SNX29: variants seen among roughly 807,000 people sequenced by gnomAD.
SNX29 encodes sorting nexin-29.
A neutral mutation model predicts 102.1 loss-of-function variants in SNX29; 78 were observed. The observed-to-expected ratio is 0.76, with a 90% CI of 0.64 to 0.92. The LOEUF is 0.92. Ranked by LOEUF, SNX29 falls within the 40% of genes least tolerant of loss-of-function variation. The probability of loss-of-function intolerance (pLI) is 0.00; values close to 1 mark genes in which losing one functional copy is unlikely to be tolerated. For missense variants in SNX29, 1,280 were observed against 1,061.7 expected (o/e 1.21, Z -2.86); for synonymous variants, 580 against 414.5 (o/e 1.40, Z -4.85).
intron 19 of SNX29, among the ~76,000 whole-genome samples, chr16:12,516,105 C>T (rs1298678925): frequency 6.6e-6 from 1 of 152,170 alleles, no homozygotes; most frequent in Non-Finnish European, 1.5e-5. Flanking sequence ...TGGCTCTCGT[C>T]TAATTGCAAG....
intron 14 of SNX29, among the ~76,000 whole-genome samples, chr16:12,255,447 A>C (rs1377483965): frequency 6.6e-6 from 1 of 152,024 alleles, no homozygotes; most frequent in East Asian, 1.9e-4. Flanking sequence ...AGTATTCTTA[A>C]CTACAGCCAC....
At chr16:12,033,027 G>A (rs951079787) in intron 4 of SNX29, among the ~76,000 whole-genome samples, 3 of 151,214 alleles carry the variant, frequency 2.0e-5, no homozygotes, top group African/African-American at 7.3e-5. Context: ...GCTAATTTTT[G>A]TATTTTTAGT....
intron 14 of SNX29, among the ~76,000 whole-genome samples, chr16:12,237,970 G>T (rs191845363): frequency 6.6e-6 from 1 of 152,138 alleles, no homozygotes; most frequent in Non-Finnish European, 1.5e-5. Flanking sequence ...TGATGCAGTG[G>T]CCACAGAAGC....
chr16:12,211,994 G>A (rs747354592), intron 14 of SNX29, among the ~76,000 whole-genome samples: 1 of 152,062 alleles, frequency 6.6e-6, no homozygotes, highest in Admixed American at 6.6e-5. Context: ...TAGTAGAGCC[G>A]AGATTCCTAC....
rs1375628418 is a variant in SNX29, at chr16:12,524,816, C to G, written c.2293C>G (p.Leu765Val). ...EFAASPKKETLIQLMPFFVDI... is the reference protein window; with the variant it reads ...EFAASPKKETVIQLMPFFVDI... Reference sequence around the variant, plus strand: ...CGCTGCCAGCCCCAAGAAGGAGACCCTCATCCAGCTGATGCCCTTCTTCGT... The same window carrying G: ...CGCTGCCAGCCCCAAGAAGGAGACCGTCATCCAGCTGATGCCCTTCTTCGT... Residue 765 changes from leucine to valine, a missense_variant, in exon 20 of 21, where the codon CTC (leucine) becomes GTC (valine). Coordinates refer to ENST00000566228, the MANE Select transcript of SNX29 (RefSeq NM_032167.5). 3.1e-6 allele frequency: 5 copies of G among 1,613,654 alleles called. No homozygotes were observed. Among genetic ancestry groups the G allele is most frequent in the East Asian group, 2.2e-5 (1 of 44,854 alleles).
At chr16:12,472,807 T>C (rs1004069896) in intron 18 of SNX29, among the ~76,000 whole-genome samples, 2 of 152,186 alleles carry the variant, frequency 1.3e-5, no homozygotes, top group East Asian at 1.9e-4. Context: ...ACAGACATCA[T>C]GAGGGTAATT....
rs545735304 is a variant in SNX29 at position 12,316,791 on chromosome 16, C to T, written c.1782+38755C>T. 8.5e-5 allele frequency among the ~76,000 whole-genome samples: 13 copies of T among 152,286 alleles called. No individual in the cohort carries two copies. In the South Asian group the frequency reaches 2.5e-3, roughly 29 times the overall value. On this transcript the variant is annotated intron_variant, in intron 15 of 20. Transcript: ENST00000566228. ...CCTCCTGGCTCTTTCTGCAGCCCTC[C>T]CAGGGATGGAACCATGAGCTCCAGG...
rs149153274 is a variant in SNX29 at position 12,536,534 on chromosome 16, A to AC, written c.2318+11693_2318+11694insC. On this transcript the variant is annotated intron_variant, in intron 20 of 20. Coordinates refer to ENST00000566228, the MANE Select transcript of SNX29 (RefSeq NM_032167.5). ...TCATGCCTCTATTTTCCCCTCTGTA[A>AC]AATGGGACTAATTATAGCCCCTACC... Among the ~76,000 whole-genome samples, 4 of 152,278 alleles carry AC rather than the reference A, an allele frequency of 2.6e-5. No individual in the cohort carries two copies. In the East Asian group the frequency reaches 5.8e-4, roughly 22 times the overall value.
chr16:12,399,609 T>C (rs936260243), intron 17 of SNX29, among the ~76,000 whole-genome samples: 1 of 152,132 alleles, frequency 6.6e-6, no homozygotes, highest in Non-Finnish European at 1.5e-5. Flanking sequence ...GGCCTCACTT[T>C]CCTAATTTGT....
At chr16:12,439,712 G>T (rs2085712761) in intron 18 of SNX29, among the ~76,000 whole-genome samples, 1 of 152,194 alleles carries the variant, frequency 6.6e-6, no homozygotes, top group South Asian at 2.1e-4. Flanking sequence ...AGATTGGGGT[G>T]GGGACACAGC....
intron 13 of SNX29, among the ~76,000 whole-genome samples, chr16:12,189,504 G>C (rs947285135): frequency 1.3e-5 from 2 of 152,092 alleles, no homozygotes; most frequent in African/African-American, 4.8e-5. Flanking sequence ...TTGCAGAGGC[G>C]ATGCATCTTT....
rs1374646597 is a variant in SNX29 at position 11,976,769 on chromosome 16, G to T, written c.-38G>T. On this transcript the variant is annotated 5_prime_UTR_variant, in exon 1 of 21. Coordinates refer to ENST00000566228, the MANE Select transcript of SNX29 (RefSeq NM_032167.5). ...CGGCAGCCGCAGAAGCGGCAGCGGC[G>T]GCGGCGCGGCGCAGGCACCGGCCCG... is the stretch of plus-strand genomic sequence containing the variant. 2 of 1,308,316 alleles carry T rather than the reference G, an allele frequency of 1.5e-6. No individual in the cohort carries two copies. Among genetic ancestry groups the T allele is most frequent in the Admixed American group, 3.5e-5 (1 of 28,266 alleles). 81.0% of individuals were successfully genotyped at this position (1,308,316 alleles called of 1,614,324 possible).
intron 19 of SNX29, among the ~76,000 whole-genome samples, chr16:12,508,261 C>G (rs964988701): frequency 6.6e-6 from 1 of 152,160 alleles, no homozygotes; most frequent in African/African-American, 2.4e-5. Context: ...GGCCCTGCTC[C>G]GGAGGGCGAG....
intron 20 of SNX29, among the ~76,000 whole-genome samples, chr16:12,547,069 G>T (rs959299260): frequency 6.6e-6 from 1 of 152,178 alleles, no homozygotes; most frequent in African/African-American, 2.4e-5. Context: ...TGAATAGTGA[G>T]GCAGACATGC....
intron 15 of SNX29, chr16:12,297,420 T>A (rs1045761341): frequency 2.0e-5 from 3 of 152,266 alleles, no homozygotes; most frequent in Non-Finnish European, 4.4e-5. Flanking sequence ...TTTGTGTTGT[T>A]CTACACAGAA....
intron 18 of SNX29, among the ~76,000 whole-genome samples, chr16:12,433,096 T>A (rs2151635213): frequency 6.6e-6 from 1 of 152,304 alleles, no homozygotes; most frequent in African/African-American, 2.4e-5. Flanking sequence ...ATCACATGCT[T>A]CTGAAAAGTT....
chr16:12,507,973 A>C (rs1287814315), intron 19 of SNX29, among the ~76,000 whole-genome samples: 1 of 152,238 alleles, frequency 6.6e-6, no homozygotes, highest in Non-Finnish European at 1.5e-5. Flanking sequence ...ATGGGACAGC[A>C]GAGTAGCTGG....
chr16:12,437,055 A>G (rs1387348765), intron 18 of SNX29, among the ~76,000 whole-genome samples: 2 of 152,250 alleles, frequency 1.3e-5, no homozygotes, highest in Admixed American at 6.5e-5. Flanking sequence ...CAAACCTGAG[A>G]TTCTGAAAGA....
intron 14 of SNX29, among the ~76,000 whole-genome samples, chr16:12,208,595 G>A (rs1337321837): frequency 6.6e-6 from 1 of 152,124 alleles, no homozygotes; most frequent in Non-Finnish European, 1.5e-5. Flanking sequence ...TTCAAGATCA[G>A]CCTGGGCAAG....
Sources: allele counts gnomAD v4.1 joint callset (sites outside exome capture counted in the v4.1 genomes callset), GRCh38; gene constraint gnomAD v4.1.1; transcripts MANE v1.5; gene names NCBI Gene and HGNC (gene_info 2026-07-23, HGNC 2026-07-21).